PRIM2: variants seen among roughly 807,000 people sequenced by gnomAD.
PRIM2 encodes DNA primase large subunit.
A neutral mutation model predicts 67.3 loss-of-function variants in PRIM2; 39 were observed. The ratio of observed to expected loss-of-function variants is 0.58; its 90% CI spans 0.45 to 0.76. PRIM2 has a LOEUF of 0.76. Among genes scored for constraint, PRIM2 ranks in the 30% least tolerant of loss-of-function variants. PRIM2 has a pLI of 0.00. For synonymous variants in PRIM2, 143 were observed against 198.7 expected, an observed-to-expected ratio of 0.72 and a Z score of 2.36; for missense variants, 398 against 598.7, an observed-to-expected ratio of 0.66 and a Z score of 3.50.
intron 7 of PRIM2, among the ~76,000 whole-genome samples, chr6:57,404,299 A>T (rs202087202): frequency 0.022 from 2,243 of 101,356 alleles, 32 homozygotes; most frequent in Middle Eastern, 0.043. Flanking sequence ...ATTTACCCTC[A>T]AGCAGGTGTT....
chr6:57,334,643 C>T (rs1768162345), intron 5 of PRIM2, among the ~76,000 whole-genome samples: 1 of 152,082 alleles, frequency 6.6e-6, no homozygotes, highest in Non-Finnish European at 1.5e-5. Context: ...GGCTACAGAA[C>T]AAGACCCTGT....
chr6:57,549,659 A>G (rs1285899641), intron 10 of PRIM2, among the ~76,000 whole-genome samples: 1 of 152,202 alleles, frequency 6.6e-6, no homozygotes, highest in Non-Finnish European at 1.5e-5. Context: ...TTTTCTCAAT[A>G]TATTTGTAAA....
chr6:57,462,260 C>G (rs1773033435), intron 7 of PRIM2, among the ~76,000 whole-genome samples: 1 of 152,126 alleles, frequency 6.6e-6, no homozygotes, highest in Non-Finnish European at 1.5e-5. Context: ...ATTAGAAATC[C>G]TATCTCTACA....
chr6:57,222,001 C>G, the PRIM2 span: 2 of 152,284 alleles, frequency 1.3e-5, no homozygotes, highest in East Asian at 3.9e-4. Context: ...GCCGCTGCAC[C>G]GCAGCGCGAG....
intron 10 of PRIM2, among the ~76,000 whole-genome samples, chr6:57,570,328 C>A (rs1775838980): frequency 6.6e-6 from 1 of 152,108 alleles, no homozygotes; most frequent in Non-Finnish European, 1.5e-5. Flanking sequence ...TGATGCCTTG[C>A]CAGTATCATA....
the PRIM2 span, among the ~76,000 whole-genome samples, chr6:57,237,355 T>C: frequency 6.6e-6 from 1 of 152,230 alleles, no homozygotes; most frequent in Non-Finnish European, 1.5e-5. Flanking sequence ...TTTTCTCCCA[T>C]TCTGTGGGTT....
At chr6:57,556,021 G>C (rs1383866288) in intron 10 of PRIM2, among the ~76,000 whole-genome samples, 5 of 152,174 alleles carry the variant, frequency 3.3e-5, no homozygotes, top group Non-Finnish European at 7.3e-5. Flanking sequence ...CAGTAATCAG[G>C]AACACAATGC....
intron 7 of PRIM2, among the ~76,000 whole-genome samples, chr6:57,439,586 T>G (rs1772135501): frequency 6.6e-6 from 1 of 151,724 alleles, no homozygotes; most frequent in Non-Finnish European, 1.5e-5. Context: ...CAGCTACTTT[T>G]TGTATTTTAG....
intron 8 of PRIM2, among the ~76,000 whole-genome samples, chr6:57,510,394 C>G (rs1365811832): frequency 6.6e-6 from 1 of 152,116 alleles, no homozygotes; most frequent in Non-Finnish European, 1.5e-5. Flanking sequence ...AGGGTAGAAT[C>G]TAGCTTTTAG....
At chr6:57,554,663 A>G (rs1190771782) in intron 10 of PRIM2, among the ~76,000 whole-genome samples, 1 of 152,232 alleles carries the variant, frequency 6.6e-6, no homozygotes, top group Non-Finnish European at 1.5e-5. Flanking sequence ...TTGCATAGGA[A>G]AGAATGCTCT....
chr6:57,328,004 A>G lies in PRIM2; in HGVS notation c.459+1959A>G, dbSNP rs143344650. 4.4e-3 allele frequency among the ~76,000 whole-genome samples: 663 copies of G among 152,268 alleles called. 1 individual carries two copies. The highest frequency in any genetic ancestry group is 6.9e-3 in the Non-Finnish European group (472 of 68,018). On this transcript the variant is annotated intron_variant, in intron 5 of 13. Coordinates refer to ENST00000615550, the MANE Select transcript of PRIM2 (RefSeq NM_000947.5). ...AGTTCATAATAGGGTTCGCACTCCT[A>G]TAAGAATCTAATGCCTCCACTAATC...
chr6:57,476,142 CTTAAATA>C (rs1286174224), intron 7 of PRIM2, among the ~76,000 whole-genome samples: 2 of 152,024 alleles, frequency 1.3e-5, no homozygotes, highest in African/African-American at 2.4e-5. Context: ...CCCTCATGAA[CTTAAATA>C]TTAAACATGA....
chr6:57,316,573 A>G (rs867641858), upstream of PRIM2, among the ~76,000 whole-genome samples: 8 of 152,362 alleles, frequency 5.3e-5, no homozygotes, highest in South Asian at 2.1e-4. Flanking sequence ...TATTGTTTCA[A>G]TGTACTTTGC....
the PRIM2 span, among the ~76,000 whole-genome samples, chr6:57,288,973 A>AG: frequency 5.3e-5 from 8 of 152,216 alleles, no homozygotes; most frequent in African/African-American, 1.9e-4. Context: ...TGACAGAAGT[A>AG]GGCTTCAGAA....
the PRIM2 span, among the ~76,000 whole-genome samples, chr6:57,259,782 C>T: frequency 3.3e-5 from 5 of 152,184 alleles, no homozygotes; most frequent in East Asian, 1.9e-4. Flanking sequence ...CCTCCACCCT[C>T]GCCCTGGAGT....
chr6:57,467,020 G>A (rs1773215607), intron 7 of PRIM2, among the ~76,000 whole-genome samples: 2 of 146,284 alleles, frequency 1.4e-5, no homozygotes, highest in African/African-American at 2.5e-5. Flanking sequence ...TAGGAGAATC[G>A]CTTGAACCTG....
In PRIM2 at chr6:57,477,623, C is replaced by T. The variant is rs1236502764; in HGVS notation, c.694-29764C>T. Reference sequence around the variant, plus strand: ...TATTCACATATGTCTTAGCTAAATACTACTATTGTTAACAACACTACTCGT... The same window carrying T: ...TATTCACATATGTCTTAGCTAAATATTACTATTGTTAACAACACTACTCGT... On this transcript the variant is annotated intron_variant, in intron 7 of 13. Coordinates refer to ENST00000615550, the MANE Select transcript of PRIM2 (RefSeq NM_000947.5). 2.0e-4 allele frequency among the ~76,000 whole-genome samples: 31 copies of T among 152,230 alleles called. No individual in the cohort carries two copies. The South Asian group carries it at 2.7e-3, about 13-fold the overall frequency.
At chr6:57,325,305 C>CTCT (rs1554323534) in intron 4 of PRIM2, among the ~76,000 whole-genome samples, 1 of 141,958 alleles carries the variant, frequency 7.0e-6, no homozygotes, top group Non-Finnish European at 1.5e-5. Context: ...CTCTCTCTCT[C>CTCT]TTTTTTTTTT....
intron 10 of PRIM2, among the ~76,000 whole-genome samples, chr6:57,545,215 C>T: frequency 6.6e-6 from 1 of 151,944 alleles, no homozygotes; most frequent in Non-Finnish European, 1.5e-5. Context: ...AAATATTTAA[C>T]ATAGTATCAT....
Sources: gnomAD v4.1 joint callset for allele counts (sites outside exome capture counted in the v4.1 genomes callset) on GRCh38, gnomAD v4.1.1 for gene constraint, MANE v1.5 for transcripts, NCBI Gene and HGNC (gene_info 2026-07-23, HGNC 2026-07-21) for gene names.